LUZP1: variants seen among roughly 807,000 people sequenced by gnomAD.
LUZP1 encodes the protein filamin mechanobinding actin cross-linking protein.
Under a neutral mutation model 71.3 loss-of-function variants are expected in LUZP1, and 25 were observed. That is an observed-to-expected ratio of 0.35 (90% CI 0.26 to 0.49). The LOEUF (loss-of-function observed/expected upper bound fraction) is 0.49, where lower values mean the gene tolerates loss of function less well. LUZP1 is among the 20% of genes least tolerant of loss of function. LUZP1 has a pLI of 0.99. For missense variants in LUZP1, 1,142 were observed against 1,300.8 expected (o/e 0.88, Z 1.88); for synonymous variants, 481 against 506.4 (o/e 0.95, Z 0.67).
At chr1:23,144,161 G>A (rs535621051) in intron 2 of LUZP1, among the ~76,000 whole-genome samples, 1 of 152,258 alleles carries the variant, frequency 6.6e-6, no homozygotes, top group East Asian at 1.9e-4. Flanking sequence ...CCAACACAAG[G>A]TGACTTCTCA....
chr1:23,159,559 G>A (rs1485085951), intron 2 of LUZP1, among the ~76,000 whole-genome samples: 1 of 152,188 alleles, frequency 6.6e-6, no homozygotes, highest in Admixed American at 6.6e-5. Context: ...CATGGGTGTG[G>A]TGAAGAATAC....
chr1:23,130,546 T>TA (rs1553139147), intron 2 of LUZP1, among the ~76,000 whole-genome samples: 11 of 150,072 alleles, frequency 7.3e-5, no homozygotes, highest in Non-Finnish European at 1.6e-4. Context: ...TTTTTTTTTT[T>TA]AGAGATGGGG....
chr1:23,175,132 A>G (rs1425819615), intron 1 of LUZP1, among the ~76,000 whole-genome samples: 1 of 152,174 alleles, frequency 6.6e-6, no homozygotes, highest in Non-Finnish European at 1.5e-5. Context: ...AACAAGGCTC[A>G]GACAGGGAAA....
chr1:23,148,608 T>C (rs1360634244), intron 2 of LUZP1, among the ~76,000 whole-genome samples: 1 of 152,164 alleles, frequency 6.6e-6, no homozygotes, highest in Non-Finnish European at 1.5e-5. Flanking sequence ...AAGTGGTGCT[T>C]GTGAATTCTA....
chr1:23,163,543 G>C (rs566663903), intron 2 of LUZP1, among the ~76,000 whole-genome samples: 2 of 134,400 alleles, frequency 1.5e-5, no homozygotes. Flanking sequence ...GAAAGAGTGA[G>C]ATCCCGTCTC....
At chr1:23,156,088 C>A (rs1569688580) in intron 2 of LUZP1, among the ~76,000 whole-genome samples, 1 of 152,132 alleles carries the variant, frequency 6.6e-6, no homozygotes, top group Non-Finnish European at 1.5e-5. Flanking sequence ...AAAGCCTATG[C>A]AAATAAAGCC....
At chr1:23,134,772 G>C (rs1644240875) in intron 2 of LUZP1, among the ~76,000 whole-genome samples, 1 of 152,160 alleles carries the variant, frequency 6.6e-6, no homozygotes, top group African/African-American at 2.4e-5. Flanking sequence ...GACGGTGTGA[G>C]ACCCTGTCTG....
chr1:23,159,245 G>C (rs1644445558), intron 2 of LUZP1, among the ~76,000 whole-genome samples: 1 of 151,916 alleles, frequency 6.6e-6, no homozygotes, highest in African/African-American at 2.4e-5. Context: ...GGAGGCTGAG[G>C]CAGGAGAATG....
chr1:23,085,594 C>A (rs146186530), exon 5 of LUZP1: 7 of 152,588 alleles, frequency 4.6e-5, no homozygotes, highest in African/African-American at 1.7e-4. Flanking sequence ...CACTGACCCA[C>A]TAAATATAAA....
intron 2 of LUZP1, among the ~76,000 whole-genome samples, chr1:23,150,171 G>T (rs1431190692): frequency 6.6e-6 from 1 of 152,016 alleles, no homozygotes; most frequent in African/African-American, 2.4e-5. Context: ...ACTAGAGAAT[G>T]CAATGAAGAA....
chr1:23,160,791 T>C (rs1644458843), intron 2 of LUZP1, among the ~76,000 whole-genome samples: 1 of 152,208 alleles, frequency 6.6e-6, no homozygotes, highest in Non-Finnish European at 1.5e-5. Context: ...TAATAGAAGC[T>C]GGTCAAGTTA....
chr1:23,150,393 G>C (rs909654361), intron 2 of LUZP1, among the ~76,000 whole-genome samples: 10 of 152,254 alleles, frequency 6.6e-5, no homozygotes, highest in Non-Finnish European at 1.2e-4. Flanking sequence ...AGGAGTTGCA[G>C]AGTATTCAAC....
chr1:23,101,288 T>TACCTTGCACATAAGTCACAAC (rs1170563370), intron 3 of LUZP1, among the ~76,000 whole-genome samples: 4 of 152,210 alleles, frequency 2.6e-5, no homozygotes, highest in African/African-American at 4.8e-5. Flanking sequence ...CTTAGCAGAA[T>TACCTTGCACATAAGTCACAAC]ACCTTGCACA....
chr1:23,164,292 G>A lies in LUZP1; in HGVS notation c.-226+4474C>T, dbSNP rs1385336738. The stretch of plus-strand genomic sequence containing the variant: ...GGGCGGATCACGAGGTCAGGAGATC[G>A]AGACCATCCTGGCTAACGCGGTGAA... On this transcript the variant is annotated intron_variant, in intron 2 of 4. Coordinates refer to ENST00000302291, the Ensembl canonical transcript of LUZP1. 2.6e-5 allele frequency among the ~76,000 whole-genome samples: 4 copies of A among 152,246 alleles called. No homozygotes were observed. The East Asian group carries it at 7.8e-4, about 30-fold the overall frequency.
chr1:23,169,707 A>C (rs919766539), intron 1 of LUZP1, among the ~76,000 whole-genome samples: 2 of 152,168 alleles, frequency 1.3e-5, no homozygotes, highest in South Asian at 4.1e-4. Context: ...TGCCCTGAGA[A>C]GCCAGGAGGA....
chr1:23,139,017 A>AAAAAAAAT (rs1644280515), intron 2 of LUZP1, among the ~76,000 whole-genome samples: 1 of 82,528 alleles, frequency 1.2e-5, no homozygotes, highest in Non-Finnish European at 2.2e-5. Context: ...AAAAAAAAAA[A>AAAAAAAAT]AAATATATAT....
In LUZP1 at chr1:23,093,359, T is replaced by C. The variant is rs762342838; in HGVS notation, c.903A>G (p.Gln301=). 5 of 1,613,416 alleles carry C rather than the reference T, an allele frequency of 3.1e-6. No individual in the cohort carries two copies. The African/African-American group carries it at 4.0e-5, about 13-fold the overall frequency. Residue 301 remains glutamine (Q), a synonymous_variant, in exon 4 of 5, where the codon CAA becomes CAG. Transcript: ENST00000302291. The surrounding 1 kb of genome is among the most constrained non-coding windows in gnomAD (Gnocchi z 4.2). ...CTTCCAACGATTCAAAGTGTTTGAT[T>C]TGTGTCTTAAGTTTCTCAATCTCTT... is the stretch of plus-strand genomic sequence containing the variant.
chr1:23,137,719 G>A (rs962228498), intron 2 of LUZP1, among the ~76,000 whole-genome samples: 1 of 152,178 alleles, frequency 6.6e-6, no homozygotes, highest in Non-Finnish European at 1.5e-5. Context: ...ACAAGTGTAA[G>A]AGAATGCAGA....
chr1:23,144,449 T>G (rs1644327743), intron 2 of LUZP1, among the ~76,000 whole-genome samples: 1 of 152,246 alleles, frequency 6.6e-6, no homozygotes, highest in South Asian at 2.1e-4. Flanking sequence ...AGTGGGATTC[T>G]ATTAAATCCA....
Sources: allele counts gnomAD v4.1 joint callset (sites outside exome capture counted in the v4.1 genomes callset), GRCh38; gene constraint gnomAD v4.1.1; non-coding constraint Gnocchi (gnomAD v3.1); transcripts MANE v1.5; gene names NCBI Gene and HGNC (gene_info 2026-07-23, HGNC 2026-07-21).